Variants in RYR1 observed in about 807,000 individuals in gnomAD.
RYR1 encodes central core disease of muscle.
A neutral mutation model predicts 583.5 loss-of-function variants in RYR1; 342 were observed. The observed-to-expected ratio is 0.59, with a 90% CI of 0.54 to 0.64. RYR1 has a LOEUF of 0.64. Among genes scored for constraint, RYR1 ranks in the 30% least tolerant of loss-of-function variants. The pLI, the probability that RYR1 is intolerant of heterozygous loss-of-function variation, is 0.00. For synonymous variants in RYR1, 2,791 were observed against 2,822.5 expected (o/e 0.99, Z 0.35); for missense variants, 6,032 against 6,917.2 (o/e 0.87, Z 4.54).
At position 38,478,165 on chromosome 19, in the gene RYR1, A is replaced by G. The variant is rs574656385; in HGVS notation, c.4455-270A>G. 1.1e-4 allele frequency among the ~76,000 whole-genome samples: 17 copies of G among 149,448 alleles called. No individual in the cohort carries two copies. In the Middle Eastern group the frequency reaches 0.021, roughly 181 times the overall value. ...CATCTCACCCTTCTCCTTCTCTGTCATCTCATTCTCTCTCCTCCTGCTTCC... is the reference window on the plus strand; with the variant it reads ...CATCTCACCCTTCTCCTTCTCTGTCGTCTCATTCTCTCTCCTCCTGCTTCC... On this transcript the variant is annotated intron_variant, in intron 30 of 105. Coordinates refer to ENST00000359596, the MANE Select transcript of RYR1 (RefSeq NM_000540.3).
intron 87 of RYR1, 68 bp from the exon 88 acceptor site, chr19:38,546,377 G>C: frequency 7.2e-7 from 1 of 1,382,994 alleles, no homozygotes. Flanking sequence ...TAGGTGAGGA[G>C]GGGGAGAAGC....
At chr19:38,468,676 G>GC (rs1453864338) in intron 25 of RYR1, among the ~76,000 whole-genome samples, 1 of 152,124 alleles carries the variant, frequency 6.6e-6, no homozygotes, top group Non-Finnish European at 1.5e-5. Flanking sequence ...GCTGCTTCCA[G>GC]CCCCCCACTA....
intron 70 of RYR1, among the ~76,000 whole-genome samples, chr19:38,524,353 C>T (rs1405148889): frequency 2.0e-5 from 3 of 151,816 alleles, no homozygotes; most frequent in African/African-American, 7.3e-5. Context: ...ACTGTATGGA[C>T]TGGGGTTAGA....
At position 38,532,585 on chromosome 19, in the gene RYR1, C is replaced by G. The variant is rs201917782; in HGVS notation, c.11193+44C>G. ...CTTCTGGGGCAGATTTCCCTCTCCC[C>G]ACCTGCAGTGCTTGTCCACAAAAAG... On this transcript the variant is annotated intron_variant, in intron 77 of 105. Transcript: ENST00000359596. The G allele has an allele frequency of 1.5e-5, 25 of 1,613,744 alleles. No individual in the cohort carries two copies. In the East Asian group the frequency reaches 5.1e-4, roughly 33 times the overall value.
chr19:38,516,503 G>A (rs114423237), intron 65 of RYR1, among the ~76,000 whole-genome samples: 82 of 152,270 alleles, frequency 5.4e-4, no homozygotes, highest in African/African-American at 1.7e-3. Flanking sequence ...AGTGGGTCAC[G>A]CCTGTAATCC....
In RYR1 at chr19:38,483,228, A is replaced by G. The variant is rs1969101253; in HGVS notation, c.4708-62A>G. ...GGGCAATCCAAGAGGTCTCCCTGGAAGTGGTGTGGTGGGACAGAGGGGGCT... is the reference window on the plus strand; with the variant it reads ...GGGCAATCCAAGAGGTCTCCCTGGAGGTGGTGTGGTGGGACAGAGGGGGCT... On this transcript the variant is annotated intron_variant, in intron 32 of 105. Coordinates refer to ENST00000359596, the MANE Select transcript of RYR1 (RefSeq NM_000540.3). This position sits in a 1 kb window ranked among gnomAD's most constrained non-coding sequence, Gnocchi z 6.3. The G allele has an allele frequency of 2.5e-6, 4 of 1,581,890 alleles. No homozygotes were observed. The Admixed American group carries it at 5.4e-5, about 21-fold the overall frequency.
At chr19:38,585,516 C>T (rs1052491832) in intron 102 of RYR1, among the ~76,000 whole-genome samples, 6 of 150,356 alleles carry the variant, frequency 4.0e-5, no homozygotes, top group East Asian at 1.9e-4. Context: ...CTCTGTTGCC[C>T]GGGCCAGAGT....
Position 38,444,142 on chromosome 19 carries a change from C to T in RYR1, c.425-7C>T, listed in dbSNP as rs757005007. 19 of 1,611,718 alleles carry T rather than the reference C, an allele frequency of 1.2e-5. No individual in the cohort carries two copies. Among genetic ancestry groups the T allele is most frequent in the South Asian group, 4.4e-5 (4 of 91,032 alleles). On this transcript the variant is annotated splice_polypyrimidine_tract_variant and splice_region_variant and intron_variant, in intron 5 of 105. Transcript: ENST00000359596. This position sits in a 1 kb window ranked among gnomAD's most constrained non-coding sequence, Gnocchi z 5.1. The stretch of plus-strand genomic sequence containing the variant: ...GACAGCCACCCCCATTCCATCCCCA[C>T]CCATAGGAGAGGCTTGCTGGTGGAC...
Position 38,466,157 on chromosome 19 carries a change from G to C in RYR1, c.2937G>C (p.Ala979=), listed in dbSNP as rs775442275. Residue 979 remains alanine (A), a synonymous_variant, in exon 24 of 106, where the codon GCG becomes GCC. Coordinates refer to ENST00000359596, the MANE Select transcript of RYR1 (RefSeq NM_000540.3). The part of the protein sequence containing the change: ...LDLSHVRLTP[A]QTTLVDRLAE... ...TGAGCCACGTGCGGCTGACGCCGGCGCAGACGACACTGGTGGACCGTCTGG... is the reference window on the plus strand; with the variant it reads ...TGAGCCACGTGCGGCTGACGCCGGCCCAGACGACACTGGTGGACCGTCTGG... 5 of 1,613,266 alleles carry C rather than the reference G, an allele frequency of 3.1e-6. No individual in the cohort carries two copies. The highest frequency in any genetic ancestry group is 4.2e-6 in the Non-Finnish European group (5 of 1,179,872).
rs532998800 is a variant in RYR1 at position 38,433,827 on chromosome 19, A to G, written c.-3A>G. ...CAGACCCTGGGCTTCCGACCTCGACATCATGGGTGACGCAGAAGGCGAAGA... is the reference window on the plus strand; with the variant it reads ...CAGACCCTGGGCTTCCGACCTCGACGTCATGGGTGACGCAGAAGGCGAAGA... On this transcript the variant is annotated 5_prime_UTR_variant, in exon 1 of 106. Transcript: ENST00000359596. 1 of 1,544,728 alleles carries G rather than the reference A, an allele frequency of 6.5e-7. No individual in the cohort carries two copies. The highest frequency in any genetic ancestry group is 1.4e-5 in the African/African-American group (1 of 70,982).
intron 38 of RYR1, among the ~76,000 whole-genome samples, chr19:38,493,073 AAAAAAC>A (rs1261048137): frequency 6.6e-6 from 1 of 151,986 alleles, no homozygotes; most frequent in Non-Finnish European, 1.5e-5. Context: ...TGTCTCAAAA[AAAAAAC>A]AAAAACAAAG....
chr19:38,477,886 GGAGGTGGGAGGTGCAGGGT>G lies in RYR1; in HGVS notation c.4454+18_4454+36del. Reference sequence around the variant, plus strand: ...TCCACAGCAGGTGCCGGGGCTGGGGGGAGGTGGGAGGTGCAGGGTGGGGAGGGCAGGAGGCAGTCAGAGC... The same window carrying G: ...TCCACAGCAGGTGCCGGGGCTGGGGGGGGGAGGGCAGGAGGCAGTCAGAGC... On this transcript the variant is annotated intron_variant, in intron 30 of 105. Coordinates refer to ENST00000359596, the MANE Select transcript of RYR1 (RefSeq NM_000540.3). 1.9e-6 allele frequency: 3 copies of G among 1,576,874 alleles called. No individual in the cohort carries two copies. The highest frequency in any genetic ancestry group is 2.6e-6 in the Non-Finnish European group (3 of 1,151,186).
At position 38,509,449 on chromosome 19, in the gene RYR1, TA is replaced by T. The variant is rs1203168087; in HGVS notation, c.8933-1048del. Among the ~76,000 whole-genome samples the T allele has an allele frequency of 4.8e-3, 500 of 103,406 alleles. 1 individual carries two copies. The highest frequency in any genetic ancestry group is 5.8e-3 in the Non-Finnish European group (299 of 51,204). 67.8% of individuals were successfully genotyped at this position (103,406 alleles called of 152,430 possible). On this transcript the variant is annotated intron_variant, in intron 58 of 105. Transcript: ENST00000359596. ...GAGCCAGTATTATTATTATTATTAT[TA>T]TTTTTTTTTTTTTTTTTTTTGAGAC...
intron 89 of RYR1, among the ~76,000 whole-genome samples, chr19:38,551,503 C>T (rs761396297): frequency 6.6e-6 from 1 of 152,150 alleles, no homozygotes; most frequent in Non-Finnish European, 1.5e-5. Context: ...AAGAGCCTCA[C>T]TGTGTCTCTC....
At position 38,469,467 on chromosome 19, in the gene RYR1, G is replaced by C; in HGVS notation, c.3719G>C (p.Gly1240Ala). The change falls in exon 27 of 106, where the codon GGC becomes GCC. Residue 1240 changes from glycine (G) to alanine (A), a missense_variant. This residue lies in a region of RYR1 where 2,627 missense variants were observed against 2,961.3 expected (regional missense o/e 0.89). Coordinates refer to ENST00000359596, the MANE Select transcript of RYR1 (RefSeq NM_000540.3). ...CCAGTCACCACCTGGTTCAGCAAAG[G>C]CCTGCCCCAGTTTGAGCCAGTGCCC... is the stretch of plus-strand genomic sequence containing the variant. ...QRPVTTWFSK[G>A]LPQFEPVPLE... The C allele has an allele frequency of 1.2e-6, 2 of 1,614,122 alleles. No homozygotes were observed. Among genetic ancestry groups the C allele is most frequent in the Non-Finnish European group, 1.7e-6 (2 of 1,180,032 alleles).
intron 78 of RYR1, among the ~76,000 whole-genome samples, chr19:38,534,489 G>C (rs1183731354): frequency 6.6e-6 from 1 of 152,234 alleles, no homozygotes; most frequent in Non-Finnish European, 1.5e-5. Flanking sequence ...CCCAGGTTAA[G>C]ACTGCTGCAT....
intron 89 of RYR1, among the ~76,000 whole-genome samples, chr19:38,550,078 C>G (rs560541448): frequency 2.6e-5 from 4 of 152,024 alleles, no homozygotes; most frequent in African/African-American, 9.7e-5. Flanking sequence ...CTTTGAAACA[C>G]TTCAGCGTGT....
At chr19:38,560,305 A>G (rs560221456) in intron 89 of RYR1, among the ~76,000 whole-genome samples, 11 of 145,140 alleles carry the variant, frequency 7.6e-5, no homozygotes, top group East Asian at 6.4e-4. Context: ...GGAGGCTGCA[A>G]TGAGCTGAGA....
In RYR1 at chr19:38,565,441, G is replaced by A; in HGVS notation, c.13107G>A (p.Glu4369=). The change falls in exon 91 of 106, where the codon GAG becomes GAA. Residue 4369 remains glutamate, a synonymous_variant. Transcript: ENST00000359596. This position sits in a 1 kb window ranked among gnomAD's most constrained non-coding sequence, Gnocchi z 4.7. ...WGSLFGGGLV[E]GAKKVTVTEL... is the part of the protein sequence containing the mutation. Reference sequence around the variant, plus strand: ...CGCTGTTCGGCGGCGGCCTGGTGGAGGGCGCCAAGAAGGTGACGGTGACCG... The same window carrying A: ...CGCTGTTCGGCGGCGGCCTGGTGGAAGGCGCCAAGAAGGTGACGGTGACCG... The A allele has an allele frequency of 2.0e-6, 3 of 1,494,744 alleles. No individual in the cohort carries two copies. Among genetic ancestry groups the A allele is most frequent in the Non-Finnish European group, 2.7e-6 (3 of 1,129,456 alleles). 92.6% of individuals were successfully genotyped at this position (1,494,744 alleles called of 1,614,324 possible).
Sources: gnomAD v4.1 joint callset for allele counts (sites outside exome capture counted in the v4.1 genomes callset) on GRCh38, gnomAD v4.1.1 for gene constraint, gnomAD v4.1.1 regional missense constraint, Gnocchi (gnomAD v3.1) non-coding constraint, MANE v1.5 for transcripts, NCBI Gene and HGNC (gene_info 2026-07-23, HGNC 2026-07-21) for gene names.